Variants in TMEM131 observed in about 807,000 individuals in gnomAD.
TMEM131 encodes transmembrane protein 131, also known as 2610524E03Rik.
Under a neutral mutation model 211.6 loss-of-function variants are expected in TMEM131, and 66 were observed. That is an observed-to-expected ratio of 0.31 (90% confidence interval 0.26 to 0.38). The LOEUF is 0.38. Among genes scored for constraint, TMEM131 ranks in the 10% least tolerant of loss-of-function variants. The probability of loss-of-function intolerance (pLI) is 1.00; values close to 1 mark genes in which losing one functional copy is unlikely to be tolerated. For missense variants in TMEM131, 2,036 were observed against 2,299.3 expected, an observed-to-expected ratio of 0.89 and a Z score of 2.34; for synonymous variants, 844 against 841.3, an observed-to-expected ratio of 1.00 and a Z score of -0.06.
chr2:97,844,318 T>C, intron 5 of TMEM131, 57 bp from the exon 6 acceptor site: 1 of 533,352 alleles, frequency 1.9e-6, no homozygotes. Flanking sequence ...ACAGCTCAAG[T>C]TCCTTAAACA....
chr2:97,886,003 T>C (rs1297279067), intron 4 of TMEM131, among the ~76,000 whole-genome samples: 1 of 152,164 alleles, frequency 6.6e-6, no homozygotes, highest in East Asian at 1.9e-4. Context: ...TCAAAAGATC[T>C]GTCTTCAAGT....
At chr2:97,798,268 A>G (rs1271974596) in intron 25 of TMEM131, among the ~76,000 whole-genome samples, 1 of 152,246 alleles carries the variant, frequency 6.6e-6, no homozygotes, top group Non-Finnish European at 1.5e-5. Flanking sequence ...GTCACATATA[A>G]GGATATACCG....
chr2:97,787,592 T>C (rs1680313242), intron 31 of TMEM131, among the ~76,000 whole-genome samples: 1 of 152,188 alleles, frequency 6.6e-6, no homozygotes, highest in Non-Finnish European at 1.5e-5. Context: ...TATCTGTAAA[T>C]CTGAAATCCA....
At chr2:97,951,365 G>A (rs1237939409) in intron 1 of TMEM131, among the ~76,000 whole-genome samples, 1 of 152,148 alleles carries the variant, frequency 6.6e-6, no homozygotes. Context: ...GGGGTGGAAG[G>A]CACATCCTCA....
Position 97,772,337 on chromosome 2 carries a change from A to C in TMEM131, c.4408T>G (p.Leu1470Val), listed in dbSNP as rs755515687. The C allele has an allele frequency of 6.2e-7, 1 of 1,602,892 alleles. No individual in the cohort carries two copies. The highest frequency in any genetic ancestry group is 8.5e-7 in the Non-Finnish European group (1 of 1,177,466). The change falls in exon 33 of 41, where the codon TTA becomes GTA. Residue 1470 changes from leucine to valine, a missense_variant. Leu to Val is a conservative substitution (Grantham distance 32, BLOSUM62 1). This residue lies in a region of TMEM131 where 1,623 missense variants were observed against 1,805.9 expected (regional missense o/e 0.90). Coordinates refer to ENST00000186436, the MANE Select transcript of TMEM131 (RefSeq NM_015348.2). ...GTTGGGATTTCTTTCTTAATATTTA[A>C]GAGTTTTTTGCTTTTTTGCTTCACT... is the stretch of plus-strand genomic sequence containing the variant. ...SQVKQKSKKL[L>V]NIKKEIPTDV...
intron 4 of TMEM131, among the ~76,000 whole-genome samples, chr2:97,877,803 C>A (rs1013918123): frequency 5.3e-5 from 8 of 152,150 alleles, no homozygotes; most frequent in Non-Finnish European, 1.2e-4. Flanking sequence ...TGGGCAAAGA[C>A]TTCATGACTA....
chr2:97,844,839 C>T (rs1260255330), intron 5 of TMEM131, among the ~76,000 whole-genome samples: 1 of 152,112 alleles, frequency 6.6e-6, no homozygotes, highest in Non-Finnish European at 1.5e-5. Context: ...TAGGGCTACT[C>T]CCATGTTCAA....
chr2:97,759,510 AG>A (rs1477801531), intron 39 of TMEM131, 141 bp downstream of exon 39: 2 of 681,324 alleles, frequency 2.9e-6, no homozygotes, highest in Admixed American at 5.2e-5. Flanking sequence ...GGAAGAGGGG[AG>A]GGGACCCTTC....
At chr2:97,929,638 T>C (rs1677136499) in intron 1 of TMEM131, among the ~76,000 whole-genome samples, 1 of 151,836 alleles carries the variant, frequency 6.6e-6, no homozygotes, top group African/African-American at 2.4e-5. Flanking sequence ...ATCCTGATTT[T>C]ATTTTGGGAA....
intron 1 of TMEM131, among the ~76,000 whole-genome samples, chr2:97,946,798 C>T (rs1678064339): frequency 6.6e-6 from 1 of 151,972 alleles, no homozygotes; most frequent in Non-Finnish European, 1.5e-5. Flanking sequence ...ACCAATTTCA[C>T]ATCTTATTAC....
At chr2:97,772,573 C>T (rs1412776184) in intron 32 of TMEM131, 149 bp from the exon 33 acceptor site, 10 of 989,210 alleles carry the variant, frequency 1.0e-5, no homozygotes, top group African/African-American at 1.7e-5. Context: ...TCTGTCTTCA[C>T]TGCGGTTCTG....
At chr2:97,936,847 T>C (rs1202225200) in intron 1 of TMEM131, among the ~76,000 whole-genome samples, 1 of 152,122 alleles carries the variant, frequency 6.6e-6, no homozygotes, top group Non-Finnish European at 1.5e-5. Flanking sequence ...GGTTTTAGAA[T>C]TACTGAATAA....
chr2:97,940,739 G>A (rs1400864822), intron 1 of TMEM131, among the ~76,000 whole-genome samples: 1 of 151,596 alleles, frequency 6.6e-6, no homozygotes, highest in African/African-American at 2.4e-5. Flanking sequence ...AACCTAGGAG[G>A]CGGAGCTTGC....
intron 2 of TMEM131, among the ~76,000 whole-genome samples, chr2:97,909,647 T>C (rs1187423100): frequency 6.6e-6 from 1 of 152,186 alleles, no homozygotes; most frequent in African/African-American, 2.4e-5. Flanking sequence ...TTCCCAATAA[T>C]ATATATTATT....
chr2:97,900,168 A>C (rs1050761913), intron 3 of TMEM131, among the ~76,000 whole-genome samples: 1 of 152,128 alleles, frequency 6.6e-6, no homozygotes. Flanking sequence ...TGAAAGCTGC[A>C]AGAGTATTGT....
chr2:97,814,095 C>A lies in TMEM131; in HGVS notation c.1493G>T (p.Gly498Val). Residue 498 changes from glycine (G) to valine (V), a missense_variant, in exon 15 of 41, where the codon GGA (glycine) becomes GTA (valine). Gly to Val is a moderately radical substitution (Grantham distance 109, BLOSUM62 -3). Around this residue, in one of 3 missense-constraint regions of TMEM131, gnomAD observed 1,623 missense variants for 1,805.9 expected, o/e 0.90. Transcript: ENST00000186436. ...CATAAAAAGCAGGGTAAAAATGTATCCTGATTCATTAGGAAGAATTAAGAC... is the reference window on the plus strand; with the variant it reads ...CATAAAAAGCAGGGTAAAAATGTATACTGATTCATTAGGAAGAATTAAGAC... ...KPVLILPNES[G>V]YIFTLLFMPS... 1 of 1,607,066 alleles carries A rather than the reference C, an allele frequency of 6.2e-7. No individual in the cohort carries two copies. Among genetic ancestry groups the A allele is most frequent in the South Asian group, 1.1e-5 (1 of 90,098 alleles).
intron 34 of TMEM131, 21 bp from the exon 35 acceptor site, chr2:97,766,284 A>T (rs1380261299): frequency 3.1e-6 from 5 of 1,613,968 alleles, no homozygotes; most frequent in Non-Finnish European, 4.2e-6. Flanking sequence ...ATCAGAAAAG[A>T]ACATGGTTAA....
intron 8 of TMEM131, among the ~76,000 whole-genome samples, chr2:97,836,458 G>C (rs1319819948): frequency 6.6e-6 from 1 of 152,120 alleles, no homozygotes; most frequent in African/African-American, 2.4e-5. Context: ...TTGAATTAAA[G>C]CATGGTAAAC....
chr2:97,991,932 A>G (rs1315932290), intron 1 of TMEM131, among the ~76,000 whole-genome samples: 1 of 152,240 alleles, frequency 6.6e-6, no homozygotes, highest in Non-Finnish European at 1.5e-5. Flanking sequence ...TGTAAGAATT[A>G]GAAGGAGGAG....
Sources: gnomAD v4.1 joint callset for allele counts (sites outside exome capture counted in the v4.1 genomes callset) on GRCh38, gnomAD v4.1.1 for gene constraint, gnomAD v4.1.1 regional missense constraint, MANE v1.5 for transcripts, NCBI Gene and HGNC (gene_info 2026-07-23, HGNC 2026-07-21) for gene names.